PRUNE2: variants seen among roughly 807,000 people sequenced by gnomAD.
The protein encoded by PRUNE2 is protein prune homolog 2.
A neutral mutation model predicts 252.0 loss-of-function variants in PRUNE2; 164 were observed. That is an observed-to-expected ratio of 0.65 (90% CI 0.57 to 0.74). The LOEUF is 0.74. Ranked by LOEUF, PRUNE2 falls within the 30% of genes least tolerant of loss-of-function variation. The probability of loss-of-function intolerance (pLI) is 0.00; values close to 1 mark genes in which losing one functional copy is unlikely to be tolerated. For missense variants in PRUNE2, 3,495 were observed against 3,711.0 expected (o/e 0.94, Z 1.51); for synonymous variants, 1,292 against 1,350.2 (o/e 0.96, Z 0.94).
At chr9:76,762,801 C>T (rs2051880846) in intron 6 of PRUNE2, among the ~76,000 whole-genome samples, 1 of 152,220 alleles carries the variant, frequency 6.6e-6, no homozygotes, top group Non-Finnish European at 1.5e-5. Flanking sequence ...GGCTCCACAA[C>T]TTGGCAATCT....
At chr9:76,778,353 AT>A (rs1160362402) in intron 6 of PRUNE2, 2 of 152,232 alleles carry the variant, frequency 1.3e-5, no homozygotes, top group African/African-American at 4.8e-5. Flanking sequence ...CAATAAATTA[AT>A]TCACTGGCAT....
At chr9:76,625,185 T>G in intron 16 of PRUNE2, 1 of 501,110 alleles carries the variant, frequency 2.0e-6, no homozygotes, top group Non-Finnish European at 3.5e-6. Flanking sequence ...TCATGCACCA[T>G]GTAACATCAT....
At chr9:76,798,638 T>C (rs1465575891) in intron 6 of PRUNE2, among the ~76,000 whole-genome samples, 1 of 147,688 alleles carries the variant, frequency 6.8e-6, no homozygotes, top group East Asian at 1.9e-4. Flanking sequence ...GTGATTGCCA[T>C]GAAAAAAAAA....
chr9:76,782,758 G>A (rs2054556782), intron 6 of PRUNE2: 1 of 152,208 alleles, frequency 6.6e-6, no homozygotes, highest in Non-Finnish European at 1.5e-5. Flanking sequence ...GTGACACAGG[G>A]CTGGATCACC....
At chr9:76,670,485 A>T (rs700822) in intron 9 of PRUNE2, among the ~76,000 whole-genome samples, 1 of 150,816 alleles carries the variant, frequency 6.6e-6, no homozygotes, top group East Asian at 2.0e-4. Flanking sequence ...AGGGGCGCCC[A>T]CCATTGCCCA....
Position 76,637,482 on chromosome 9 carries a change from T to C in PRUNE2, c.8899A>G (p.Thr2967Ala). The change falls in exon 14 of 19, where the codon ACC becomes GCC. Residue 2967 changes from threonine (T) to alanine (A), a missense_variant. Transcript: ENST00000376718. ...AGCCCTGGCATCCTCCTTCTTGGGG[T>C]TGCACCATTCAAGTACACAATCATA... ...DYMIVYLNGATPRRRMPGLGW... is the reference protein window; with the variant it reads ...DYMIVYLNGAAPRRRMPGLGW... 6.2e-7 allele frequency: 1 copy of C among 1,613,448 alleles called. No individual in the cohort carries two copies. The highest frequency in any genetic ancestry group is 8.5e-7 in the Non-Finnish European group (1 of 1,179,552).
intron 1 of PRUNE2, among the ~76,000 whole-genome samples, chr9:76,902,441 C>T (rs761956016): frequency 2.0e-5 from 3 of 152,194 alleles, no homozygotes; most frequent in Non-Finnish European, 4.4e-5. Context: ...AATACGTTTG[C>T]ACTCTCTCTA....
chr9:76,749,590 G>C (rs1404306682), intron 6 of PRUNE2, among the ~76,000 whole-genome samples: 1 of 152,232 alleles, frequency 6.6e-6, no homozygotes, highest in Non-Finnish European at 1.5e-5. Flanking sequence ...GAGGTCTTAA[G>C]TGTGAGCTTC....
At chr9:76,746,948 C>T (rs1180043133) in intron 6 of PRUNE2, among the ~76,000 whole-genome samples, 1 of 152,164 alleles carries the variant, frequency 6.6e-6, no homozygotes, top group Admixed American at 6.5e-5. Context: ...TTCTACGAGC[C>T]ATTGTAGCAA....
intron 9 of PRUNE2, among the ~76,000 whole-genome samples, chr9:76,668,693 CT>C (rs984352961): frequency 2.3e-4 from 35 of 152,028 alleles, no homozygotes; most frequent in African/African-American, 8.4e-4. Flanking sequence ...CCTGTGGGGC[CT>C]CCCCACTGTA....
chr9:76,625,999 A>G (rs1834555650), intron 16 of PRUNE2, among the ~76,000 whole-genome samples: 1 of 152,210 alleles, frequency 6.6e-6, no homozygotes, highest in African/African-American at 2.4e-5. Flanking sequence ...ACAAGTTACA[A>G]TACTGTTGGC....
chr9:76,877,499 A>AACAC (rs113656279), intron 1 of PRUNE2, among the ~76,000 whole-genome samples: 73 of 150,274 alleles, frequency 4.9e-4, no homozygotes, highest in Middle Eastern at 3.5e-3. Flanking sequence ...TCTCAATTAA[A>AACAC]ACACACACAC....
At chr9:76,729,458 AC>A (rs1443122879) in intron 6 of PRUNE2, among the ~76,000 whole-genome samples, 1 of 152,152 alleles carries the variant, frequency 6.6e-6, no homozygotes, top group Non-Finnish European at 1.5e-5. Flanking sequence ...TCAAAAACAA[AC>A]AACAACAACA....
At chr9:76,817,170 T>TG (rs1192032370) in intron 6 of PRUNE2, among the ~76,000 whole-genome samples, 1 of 152,156 alleles carries the variant, frequency 6.6e-6, no homozygotes, top group African/African-American at 2.4e-5. Flanking sequence ...ACCCTGAGTT[T>TG]GGGGCAATGA....
intron 6 of PRUNE2, among the ~76,000 whole-genome samples, chr9:76,717,869 G>T (rs1341006151): frequency 6.6e-6 from 1 of 152,190 alleles, no homozygotes; most frequent in Non-Finnish European, 1.5e-5. Context: ...ATTCCGAAGG[G>T]TCGATGACTA....
At chr9:76,830,349 C>T (rs2058598120) in intron 4 of PRUNE2, among the ~76,000 whole-genome samples, 1 of 152,052 alleles carries the variant, frequency 6.6e-6, no homozygotes, top group African/African-American at 2.4e-5. Context: ...AGACATTATT[C>T]AAACGTTAAA....
At chr9:76,776,945 C>CAA (rs2053864046) in intron 6 of PRUNE2, among the ~76,000 whole-genome samples, 2 of 138,670 alleles carry the variant, frequency 1.4e-5, no homozygotes, top group Non-Finnish European at 3.1e-5. Context: ...CACACACACA[C>CAA]AAAGGGCCTG....
At chr9:76,858,697 T>C (rs966486170) in intron 1 of PRUNE2, among the ~76,000 whole-genome samples, 2 of 150,838 alleles carry the variant, frequency 1.3e-5, no homozygotes, top group African/African-American at 4.9e-5. Context: ...CCATGGCACG[T>C]GTATACCTAT....
Position 76,708,077 on chromosome 9 carries a change from T to C in PRUNE2, c.4197A>G (p.Glu1399=), listed in dbSNP as rs2046438749. The C allele has an allele frequency of 1.2e-6, 2 of 1,613,822 alleles. No homozygotes were observed. Among genetic ancestry groups the C allele is most frequent in the Admixed American group, 1.7e-5 (1 of 59,992 alleles). The change falls in exon 8 of 19, where the codon GAA becomes GAG. Residue 1399 remains glutamate, a synonymous_variant. Transcript: ENST00000376718. ...AAGACCCCTCCTCATACTCTAAAACTTCCTCTGGTTCCTCGGTTTGAGGAC... is the reference window on the plus strand; with the variant it reads ...AAGACCCCTCCTCATACTCTAAAACCTCCTCTGGTTCCTCGGTTTGAGGAC... ...TFSPQTEEPE[E]VLEYEEGSYN... is the part of the protein sequence containing the mutation.
Sources: allele counts gnomAD v4.1 joint callset (sites outside exome capture counted in the v4.1 genomes callset), GRCh38; gene constraint gnomAD v4.1.1; transcripts MANE v1.5; gene names NCBI Gene and HGNC (gene_info 2026-07-23, HGNC 2026-07-21).